The following ATP5F1A variants were observed in gnomAD, a reference collection of about 807,000 sequenced individuals.
The protein encoded by ATP5F1A is ATP synthase F1 subunit alpha.
Under a neutral mutation model 57.4 loss-of-function variants are expected in ATP5F1A, and 24 were observed. The observed-to-expected ratio is 0.42, with a 90% CI of 0.30 to 0.59. ATP5F1A has a LOEUF of 0.59. Ranked by LOEUF, ATP5F1A falls within the 20% of genes least tolerant of loss-of-function variation. ATP5F1A has a pLI of 0.19. For synonymous variants in ATP5F1A, 251 were observed against 255.5 expected, an observed-to-expected ratio of 0.98 and a Z score of 0.17; for missense variants, 494 against 707.9, an observed-to-expected ratio of 0.70 and a Z score of 3.43.
At chr18:46,085,945 A>G in intron 10 of ATP5F1A, 168 bp downstream of exon 10, 1 of 832,646 alleles carries the variant, frequency 1.2e-6, no homozygotes, top group Non-Finnish European at 1.8e-6. Context: ...AAAAAAAAAA[A>G]AAATCAAAAA....
chr18:46,102,550 C>T (rs1028778674), upstream of ATP5F1A, among the ~76,000 whole-genome samples: 14 of 152,238 alleles, frequency 9.2e-5, no homozygotes, highest in Admixed American at 5.9e-4. Flanking sequence ...TCTTGAACTC[C>T]GGACCTCAGG....
At chr18:46,088,044 C>G (rs1486705518) in intron 6 of ATP5F1A, 65 bp downstream of exon 6, 3 of 1,531,004 alleles carry the variant, frequency 2.0e-6, no homozygotes, top group Non-Finnish European at 2.6e-6. Context: ...TAAGTAGAAG[C>G]TATTCTACAA....
At chr18:46,102,031 G>A (rs191669461), upstream of ATP5F1A, among the ~76,000 whole-genome samples, 4 of 151,884 alleles carry the variant, frequency 2.6e-5, no homozygotes, top group African/African-American at 4.8e-5. Context: ...AAAATTAGCC[G>A]GGTGTGGTGG....
chr18:46,092,215 A>G (rs1910614295), intron 2 of ATP5F1A: 1 of 69,946 alleles, frequency 1.4e-5, no homozygotes, highest in African/African-American at 3.6e-5. Context: ...AATAATAATA[A>G]TAATAATAAT....
chr18:46,093,155 T>A (rs1212666537), intron 2 of ATP5F1A: 1 of 151,604 alleles, frequency 6.6e-6, no homozygotes, highest in Non-Finnish European at 1.5e-5. Context: ...CTCAAAAAAA[T>A]AAAAAATAAA....
At chr18:46,090,046 C>A (rs1385658379) in intron 3 of ATP5F1A, 50 bp from the exon 4 acceptor site, 1 of 1,315,444 alleles carries the variant, frequency 7.6e-7, no homozygotes, top group Admixed American at 2.5e-5. Context: ...GGGCACTCCT[C>A]CCCATACACC....
rs1363425505 is a variant in ATP5F1A at position 46,083,153 on chromosome 18, A to G, written c.*1129T>C. 1 of 150,994 alleles carries G rather than the reference A, an allele frequency of 6.6e-6. No homozygotes were observed. The highest frequency in any genetic ancestry group is 1.5e-5 in the Non-Finnish European group (1 of 67,760). 9.4% of individuals were successfully genotyped at this position (150,994 alleles called of 1,614,324 possible). ...AATAAAGTAGCTGTGAAAATATTAA[A>G]AGATGGCCGGGCATGGTAGTTCACA... is the stretch of plus-strand genomic sequence containing the variant. On this transcript the variant is annotated 3_prime_UTR_variant, in exon 12 of 12. Coordinates refer to ENST00000398752, the MANE Select transcript of ATP5F1A (RefSeq NM_004046.6).
At chr18:46,096,596 A>G (rs115888052) in intron 1 of ATP5F1A, among the ~76,000 whole-genome samples, 1 of 151,530 alleles carries the variant, frequency 6.6e-6, no homozygotes, top group African/African-American at 2.4e-5. Context: ...ATGTATTTTA[A>G]TGGAGTTGCA....
In ATP5F1A at chr18:46,082,244, G is replaced by C. The variant is rs965910777; in HGVS notation, c.*2038C>G. 1.4e-5 allele frequency: 2 copies of C among 146,190 alleles called. No individual in the cohort carries two copies. The highest frequency in any genetic ancestry group is 5.1e-5 in the African/African-American group (2 of 39,374). The allele number at this position is 146,190 out of a possible 1,614,324, so 9.1% of individuals were successfully genotyped here. A position where few individuals can be genotyped will look rare whatever the true frequency, so the allele number is the denominator to read the frequency against. On this transcript the variant is annotated 3_prime_UTR_variant, in exon 12 of 12. Coordinates refer to ENST00000398752, the MANE Select transcript of ATP5F1A (RefSeq NM_004046.6). ...TAAAAATACAAAAAAAAAAAAATTA[G>C]CTGGGCGTGATGGCAGGCGCCTGTA... is the stretch of plus-strand genomic sequence containing the variant.
At position 46,083,294 on chromosome 18, in the gene ATP5F1A, GC is replaced by G. The variant is rs561678993; in HGVS notation, c.*987del. ...CCCTCTACAAAAAGTAGAAAAATTG[GC>G]TGGGCGTGGTGGTATGTGCCTGTAA... On this transcript the variant is annotated 3_prime_UTR_variant, in exon 12 of 12. Transcript: ENST00000398752. The G allele has an allele frequency of 2.2e-3, 329 of 152,234 alleles. No individual in the cohort carries two copies. The highest frequency in any genetic ancestry group is 4.2e-3 in the Non-Finnish European group (288 of 68,126). 9.4% of individuals were successfully genotyped at this position (152,234 alleles called of 1,614,324 possible).
At chr18:46,103,200 G>C (rs998129565), upstream of ATP5F1A, among the ~76,000 whole-genome samples, 5 of 152,066 alleles carry the variant, frequency 3.3e-5, no homozygotes, top group African/African-American at 1.2e-4. Context: ...CTACTAGAGA[G>C]GATGAGACAG....
chr18:46,102,728 C>G (rs1043319520), upstream of ATP5F1A, among the ~76,000 whole-genome samples: 2 of 152,092 alleles, frequency 1.3e-5, no homozygotes, highest in African/African-American at 4.8e-5. Flanking sequence ...GGGAGCATCA[C>G]TTGGGGCCAG....
At chr18:46,102,413 T>A (rs1370402109), upstream of ATP5F1A, among the ~76,000 whole-genome samples, 1 of 151,928 alleles carries the variant, frequency 6.6e-6, no homozygotes, top group African/African-American at 2.4e-5. Context: ...AAACTCTGCC[T>A]CCAGGGTTCA....
At chr18:46,095,391 G>A (rs554993327) in intron 1 of ATP5F1A, among the ~76,000 whole-genome samples, 80 of 151,872 alleles carry the variant, frequency 5.3e-4, no homozygotes, top group Non-Finnish European at 9.9e-4. Context: ...TTTTTGAGAC[G>A]GCTCACTGCA....
intron 6 of ATP5F1A, 159 bp downstream of exon 6, chr18:46,087,950 T>G (rs1267264958): frequency 2.8e-6 from 2 of 715,808 alleles, no homozygotes; most frequent in South Asian, 2.1e-5. Flanking sequence ...AACCTTTAAA[T>G]GTACTACTGT....
rs1230482762 is a variant in ATP5F1A, at chr18:46,080,307, A to G, written c.*3975T>C. The G allele has an allele frequency of 6.6e-6, 1 of 152,226 alleles. No homozygotes were observed. Among genetic ancestry groups the G allele is most frequent in the Non-Finnish European group, 1.5e-5 (1 of 68,048 alleles). The allele number at this position is 152,226 out of a possible 1,614,324, so 9.4% of individuals were successfully genotyped here. On this transcript the variant is annotated 3_prime_UTR_variant, in exon 12 of 12. Coordinates refer to ENST00000398752, the MANE Select transcript of ATP5F1A (RefSeq NM_004046.6). ...TGAAATCCATAAAACTTCACATTTC[A>G]AAGGTCAAGTGCCTTCTCAAATGTT... is the stretch of plus-strand genomic sequence containing the variant.
At chr18:46,101,289 G>A (rs1463856014), upstream of ATP5F1A, among the ~76,000 whole-genome samples, 2 of 152,132 alleles carry the variant, frequency 1.3e-5, no homozygotes, top group African/African-American at 2.4e-5. Flanking sequence ...ACAAGGCCGG[G>A]CATGGTGGCT....
At chr18:46,097,905 C>G in intron 1 of ATP5F1A, 8 of 1,235,652 alleles carry the variant, frequency 6.5e-6, no homozygotes, top group Non-Finnish European at 7.1e-6. Flanking sequence ...CCTTCTAGGG[C>G]CGCTGTCAGC....
At chr18:46,091,898 C>T in intron 2 of ATP5F1A, 47 bp from the exon 3 acceptor site, 1 of 1,557,392 alleles carries the variant, frequency 6.4e-7, no homozygotes, top group Non-Finnish European at 8.7e-7. Context: ...CTGGGCCAGG[C>T]ACAGTGGCTC....
Sources: gnomAD v4.1 joint callset for allele counts (sites outside exome capture counted in the v4.1 genomes callset) on GRCh38, gnomAD v4.1.1 for gene constraint, MANE v1.5 for transcripts, NCBI Gene and HGNC (gene_info 2026-07-23, HGNC 2026-07-21) for gene names.